The following ALMS1 variants were observed in gnomAD, a reference collection of about 807,000 sequenced individuals.
ALMS1 encodes ALMS1 centrosome and basal body associated protein.
Under a neutral mutation model 352.2 loss-of-function variants are expected in ALMS1, and 271 were observed. The ratio of observed to expected loss-of-function variants is 0.77; its 90% confidence interval spans 0.70 to 0.85. ALMS1 has a LOEUF of 0.85. ALMS1 is among the 40% of genes least tolerant of loss of function. ALMS1 has a pLI of 0.00. For missense variants in ALMS1, 5,445 were observed against 4,870.7 expected (o/e 1.12, Z -3.51); for synonymous variants, 1,865 against 1,761.2 (o/e 1.06, Z -1.48).
At chr2:73,504,880 T>C (rs768145984) in intron 10 of ALMS1, among the ~76,000 whole-genome samples, 6 of 152,116 alleles carry the variant, frequency 3.9e-5, no homozygotes. Context: ...TCTCTCCCCT[T>C]GCTTCCTACC....
rs775009538 is a variant in ALMS1, at chr2:73,452,006, G to A, written c.5479G>A (p.Gly1827Ser). The A allele has an allele frequency of 6.2e-7, 1 of 1,613,762 alleles. No homozygotes were observed. The stretch of plus-strand genomic sequence containing the variant: ...AGAGTTGCCGCATTTTACTGAAGCA[G>A]GTTTGAAAATTTTAAGAGTTCCTGG... The part of the protein sequence containing the change: ...QRELPHFTEA[G>S]LKILRVPGPA... Residue 1827 changes from glycine to serine, a missense_variant, in exon 8 of 23, where the codon GGT (glycine) becomes AGT (serine). By Grantham distance (56) the Gly-to-Ser change is moderately conservative. Transcript: ENST00000613296.
intron 9 of ALMS1, among the ~76,000 whole-genome samples, chr2:73,483,426 T>A (rs1672757649): frequency 1.3e-5 from 2 of 151,922 alleles, no homozygotes; most frequent in Non-Finnish European, 2.9e-5. Context: ...GATTGCACTG[T>A]GGTCTGAGAG....
At chr2:73,394,664 A>G (rs922107349) in intron 1 of ALMS1, among the ~76,000 whole-genome samples, 6 of 152,148 alleles carry the variant, frequency 3.9e-5, no homozygotes, top group Non-Finnish European at 7.4e-5. Flanking sequence ...CATCTGGTTC[A>G]TGAACATGGG....
At chr2:73,488,582 G>A (rs989991776) in intron 9 of ALMS1, among the ~76,000 whole-genome samples, 2 of 152,166 alleles carry the variant, frequency 1.3e-5, no homozygotes, top group Non-Finnish European at 2.9e-5. Flanking sequence ...GCTTCTGCCT[G>A]TTCCTGGCTC....
intron 10 of ALMS1, among the ~76,000 whole-genome samples, chr2:73,507,876 C>T (rs1247240605): frequency 1.3e-5 from 2 of 151,984 alleles, no homozygotes; most frequent in African/African-American, 4.8e-5. Flanking sequence ...GTTAGGGTGT[C>T]GATTTTAGAT....
chr2:73,414,206 T>A (rs1335418445), intron 2 of ALMS1, among the ~76,000 whole-genome samples: 1 of 152,106 alleles, frequency 6.6e-6, no homozygotes, highest in Non-Finnish European at 1.5e-5. Context: ...TTCATCAATG[T>A]TTTGCTGTCT....
chr2:73,404,651 T>C (rs13383871), intron 1 of ALMS1, among the ~76,000 whole-genome samples: 44,207 of 151,908 alleles, frequency 0.29, 7,747 homozygotes, highest in African/African-American at 0.5. Flanking sequence ...GTAATCCTTT[T>C]AACGTACTGC....
rs1475730829 is a variant in ALMS1 at position 73,519,780 on chromosome 2, C to T, written c.9545C>T (p.Pro3182Leu). ...TCTTTCTCTTTTTTGGTCAGATTAC[C>T]AGAGAAGATGAAGACCCCACTTTCT... The part of the protein sequence containing the change: ...EGTPVFADRL[P>L]EKMKTPLSAF... The change falls in exon 11 of 23, where the codon CCA becomes CTA. Residue 3182 changes from proline to leucine, a missense_variant. Coordinates refer to ENST00000613296, the MANE Select transcript of ALMS1 (RefSeq NM_001378454.1). 4 of 1,613,788 alleles carry T rather than the reference C, an allele frequency of 2.5e-6. No homozygotes were observed. The highest frequency in any genetic ancestry group is 1.3e-5 in the African/African-American group (1 of 74,886).
chr2:73,602,158 G>A, intron 19 of ALMS1, 27 bp from the exon 20 acceptor site: 1 of 1,602,442 alleles, frequency 6.2e-7, no homozygotes. Flanking sequence ...CTGAGGCTGG[G>A]CATTTTCTCT....
At chr2:73,512,214 A>G (rs780313863) in intron 10 of ALMS1, among the ~76,000 whole-genome samples, 19 of 152,064 alleles carry the variant, frequency 1.2e-4, no homozygotes, top group Non-Finnish European at 2.6e-4. Flanking sequence ...CCTCCCGAGT[A>G]GCTGGGACTA....
intron 21 of ALMS1, among the ~76,000 whole-genome samples, chr2:73,605,030 C>G (rs1675783706): frequency 6.6e-6 from 1 of 152,212 alleles, no homozygotes; most frequent in African/African-American, 2.4e-5. Flanking sequence ...AGCACTTATG[C>G]CATGGTTTGT....
chr2:73,409,297 A>T (rs1280970515), intron 2 of ALMS1, among the ~76,000 whole-genome samples: 1 of 152,002 alleles, frequency 6.6e-6, no homozygotes, highest in Non-Finnish European at 1.5e-5. Context: ...AATTTTTTAT[A>T]GAGATGGGAG....
chr2:73,408,130 G>T (rs1284109718), intron 1 of ALMS1, among the ~76,000 whole-genome samples: 1 of 152,174 alleles, frequency 6.6e-6, no homozygotes, highest in East Asian at 1.9e-4. Context: ...GGCTTGACCA[G>T]GTCATTTTTG....
chr2:73,537,728 C>T (rs530346367), intron 12 of ALMS1, among the ~76,000 whole-genome samples: 34 of 152,198 alleles, frequency 2.2e-4, no homozygotes, highest in African/African-American at 5.5e-4. Context: ...ATGTCCAGGC[C>T]GGGTGCGGTG....
At chr2:73,544,654 CA>C (rs918838777) in intron 12 of ALMS1, among the ~76,000 whole-genome samples, 4 of 152,004 alleles carry the variant, frequency 2.6e-5, no homozygotes, top group Non-Finnish European at 5.9e-5. Flanking sequence ...GGCTATTCCT[CA>C]AAAAATTAAA....
rs1476182899 is a variant in ALMS1 at position 73,386,013 on chromosome 2, G to A, written c.145G>A (p.Glu49Lys). Residue 49 changes from glutamate to lysine, a missense_variant, in exon 1 of 23, where the codon GAG becomes AAG. Physicochemically the swap from Glu to Lys is moderately conservative, Grantham distance 56. Transcript: ENST00000613296. ...AGTGGTCGTGGAGGAGGTGGAGGAA[G>A]AGGCGGGGCGGGAGTTGGACTCCGA... ...DVVVVEEVEE[E>K]AGRELDSDSH... is the part of the protein sequence containing the mutation. 2.3e-5 allele frequency: 36 copies of A among 1,558,370 alleles called. No individual in the cohort carries two copies. Among genetic ancestry groups the A allele is most frequent in the Non-Finnish European group, 3.1e-5 (36 of 1,151,182 alleles).
chr2:73,492,672 CA>C (rs1052191390), intron 10 of ALMS1, among the ~76,000 whole-genome samples: 85 of 151,572 alleles, frequency 5.6e-4, no homozygotes, highest in Non-Finnish European at 1.0e-3. Context: ...TAGATTGGGG[CA>C]AAAAAACAAG....
At chr2:73,471,270 G>A (rs780658246) in intron 9 of ALMS1, among the ~76,000 whole-genome samples, 4 of 143,244 alleles carry the variant, frequency 2.8e-5, no homozygotes, top group Non-Finnish European at 4.6e-5. Context: ...TTTTCTTTGT[G>A]GTTACCAAAG....
rs771206643 is a variant in ALMS1, at chr2:73,490,837, C to G, written c.8878C>G (p.Leu2960Val). 1 of 1,613,746 alleles carries G rather than the reference C, an allele frequency of 6.2e-7. No homozygotes were observed. The highest frequency in any genetic ancestry group is 1.3e-5 in the African/African-American group (1 of 74,872). ...PQGQDSIASD[L>V]PSPISLEQCQ... is the part of the protein sequence containing the mutation. ...AGGTCAGGATTCTATAGCTTCAGAC[C>G]TTCCGTCTCCCATTTCTCTTGAACA... The change falls in exon 10 of 23, where the codon CTT (leucine) becomes GTT (valine). Residue 2960 changes from leucine to valine, a missense_variant. Transcript: ENST00000613296.
Sources: allele counts gnomAD v4.1 joint callset (sites outside exome capture counted in the v4.1 genomes callset), GRCh38; gene constraint gnomAD v4.1.1; transcripts MANE v1.5; gene names NCBI Gene and HGNC (gene_info 2026-07-23, HGNC 2026-07-21).